PARM1: variants seen among roughly 807,000 people sequenced by gnomAD.
PARM1 encodes WSC4, cell wall integrity and stress response component 4 homolog.
A neutral mutation model predicts 24.6 loss-of-function variants in PARM1; 14 were observed. The ratio of observed to expected loss-of-function variants is 0.57; its 90% confidence interval spans 0.38 to 0.89. PARM1 has a LOEUF of 0.89. Ranked by LOEUF, PARM1 falls within the 40% of genes least tolerant of loss-of-function variation. The probability of loss-of-function intolerance (pLI) is 0.00; values close to 1 mark genes in which losing one functional copy is unlikely to be tolerated. For missense variants in PARM1, 362 were observed against 380.4 expected (o/e 0.95, Z 0.40); for synonymous variants, 179 against 156.6 (o/e 1.14, Z -1.07).
intron 1 of PARM1, among the ~76,000 whole-genome samples, chr4:74,952,193 G>T (rs1360922106): frequency 6.6e-6 from 1 of 152,184 alleles, no homozygotes; most frequent in Non-Finnish European, 1.5e-5. Context: ...GACCAGTAAT[G>T]ATGAGCTTTT....
At chr4:74,945,241 T>C (rs1018731112) in intron 1 of PARM1, among the ~76,000 whole-genome samples, 21 of 152,198 alleles carry the variant, frequency 1.4e-4, no homozygotes, top group Admixed American at 1.4e-3. Flanking sequence ...TGAGTGAACG[T>C]TGGGTCACTT....
chr4:74,945,758 A>G (rs1240368629), intron 1 of PARM1, among the ~76,000 whole-genome samples: 4 of 152,248 alleles, frequency 2.6e-5, no homozygotes, highest in African/African-American at 7.2e-5. Flanking sequence ...ACAGATATCA[A>G]AAAAGAAAAA....
At chr4:74,955,352 G>T (rs560839193) in intron 1 of PARM1, among the ~76,000 whole-genome samples, 1 of 152,234 alleles carries the variant, frequency 6.6e-6, no homozygotes, top group South Asian at 2.1e-4. Flanking sequence ...ATTAGTGTCT[G>T]CTCTTCTTTA....
intron 1 of PARM1, among the ~76,000 whole-genome samples, chr4:74,961,899 G>T (rs562154647): frequency 1.3e-5 from 2 of 152,122 alleles, no homozygotes; most frequent in South Asian, 4.2e-4. Flanking sequence ...CTCAATAAAG[G>T]TAAATACATG....
At chr4:74,956,635 A>G (rs1388980460) in intron 1 of PARM1, 1 of 152,170 alleles carries the variant, frequency 6.6e-6, no homozygotes, top group Non-Finnish European at 1.5e-5. Flanking sequence ...GATTCAAAAC[A>G]GGGGGACTGT....
At chr4:74,979,384 A>G (rs924557409) in intron 1 of PARM1, among the ~76,000 whole-genome samples, 1 of 152,208 alleles carries the variant, frequency 6.6e-6, no homozygotes. Flanking sequence ...ATTCCTGGAC[A>G]CATACACCCT....
chr4:74,950,597 A>G (rs1298471054), intron 1 of PARM1, among the ~76,000 whole-genome samples: 1 of 152,234 alleles, frequency 6.6e-6, no homozygotes, highest in Admixed American at 6.5e-5. Context: ...TTTTTGGGGA[A>G]CATGGTTCAA....
intron 1 of PARM1, among the ~76,000 whole-genome samples, chr4:74,961,192 T>C (rs1473876648): frequency 6.6e-6 from 1 of 152,052 alleles, no homozygotes; most frequent in Non-Finnish European, 1.5e-5. Flanking sequence ...AAAGACAGCT[T>C]TGAGCAGACT....
chr4:75,004,531 C>T (rs1372431369), intron 1 of PARM1, among the ~76,000 whole-genome samples: 1 of 152,112 alleles, frequency 6.6e-6, no homozygotes, highest in Non-Finnish European at 1.5e-5. Context: ...AGTGCAAAGG[C>T]AGGGAGGCAG....
intron 1 of PARM1, among the ~76,000 whole-genome samples, chr4:75,006,146 A>AT (rs915061543): frequency 2.6e-5 from 4 of 151,708 alleles, no homozygotes; most frequent in Non-Finnish European, 4.4e-5. Context: ...TGACTTTTTA[A>AT]TTTTTTTTTA....
At chr4:75,035,503 C>A (rs1024768386) in intron 3 of PARM1, among the ~76,000 whole-genome samples, 2 of 152,154 alleles carry the variant, frequency 1.3e-5, no homozygotes, top group Non-Finnish European at 2.9e-5. Flanking sequence ...GTCCTTCCCT[C>A]CTGCTCTTGA....
intron 1 of PARM1, among the ~76,000 whole-genome samples, chr4:74,993,388 CT>C (rs1722515168): frequency 6.6e-6 from 1 of 152,126 alleles, no homozygotes. Flanking sequence ...GACTGAAGCC[CT>C]GGCTACACCT....
chr4:74,961,004 C>CA (rs1161009878), intron 1 of PARM1, among the ~76,000 whole-genome samples: 1,944 of 95,444 alleles, frequency 0.02, 33 homozygotes, highest in African/African-American at 0.06. Context: ...GACTCCGTCT[C>CA]AAAAAAAAAA....
At chr4:74,958,059 T>A (rs1721680447) in intron 1 of PARM1, among the ~76,000 whole-genome samples, 1 of 152,196 alleles carries the variant, frequency 6.6e-6, no homozygotes, top group Non-Finnish European at 1.5e-5. Flanking sequence ...TCAGAAATAA[T>A]GATTATTTAT....
rs375328343 is a variant in PARM1 at position 74,985,791 on chromosome 4, T to C, written c.44-26634T>C. 3.3e-3 allele frequency among the ~76,000 whole-genome samples: 508 copies of C among 152,300 alleles called. 6 individuals carry two copies. Among genetic ancestry groups the C allele is most frequent in the African/African-American group, 0.011 (473 of 41,562 alleles). ...GTTTGTTTTTGTTTTGTTTTTGAGA[T>C]GGAGTCACACTCTGTCACCCAGGCT... On this transcript the variant is annotated intron_variant, in intron 1 of 3. Transcript: ENST00000307428.
intron 1 of PARM1, among the ~76,000 whole-genome samples, chr4:74,989,985 A>C (rs555138872): frequency 1.3e-5 from 2 of 152,276 alleles, no homozygotes; most frequent in Admixed American, 1.3e-4. Context: ...TGTAGAAAAA[A>C]TATGAATATG....
intron 1 of PARM1, among the ~76,000 whole-genome samples, chr4:74,949,203 C>T (rs1721469322): frequency 6.6e-6 from 1 of 152,142 alleles, no homozygotes; most frequent in African/African-American, 2.4e-5. Flanking sequence ...CAGTACTAGC[C>T]ACAGGGGAGC....
Position 75,033,934 on chromosome 4 carries a change from T to C in PARM1, c.821T>C (p.Phe274Ser). 2.5e-6 allele frequency: 4 copies of C among 1,603,894 alleles called. No homozygotes were observed. Among genetic ancestry groups the C allele is most frequent in the African/African-American group, 2.7e-5 (2 of 74,916 alleles). ...VTVIAVVLLV[F>S]GVAAYLKIRH... ...GTCATTGCCGTGGTGCTGCTGGTGTTTGGAGTTGCAGCCTACCTAAAAATC... is the reference window on the plus strand; with the variant it reads ...GTCATTGCCGTGGTGCTGCTGGTGTCTGGAGTTGCAGCCTACCTAAAAATC... Residue 274 changes from phenylalanine to serine, a missense_variant, in exon 3 of 4, where the codon TTT becomes TCT. Transcript: ENST00000307428.
At chr4:74,938,865 T>G (rs1721245868) in intron 1 of PARM1, among the ~76,000 whole-genome samples, 1 of 152,172 alleles carries the variant, frequency 6.6e-6, no homozygotes, top group South Asian at 2.1e-4. Flanking sequence ...AAATAGACAA[T>G]TATAGAATTT....
Sources: gnomAD v4.1 joint callset for allele counts (sites outside exome capture counted in the v4.1 genomes callset) on GRCh38, gnomAD v4.1.1 for gene constraint, MANE v1.5 for transcripts, NCBI Gene and HGNC (gene_info 2026-07-23, HGNC 2026-07-21) for gene names.